The following UBTD1 variants were observed in gnomAD, a reference collection of about 807,000 sequenced individuals.
UBTD1 encodes ubiquitin domain-containing protein 1.
A neutral mutation model predicts 21.7 loss-of-function variants in UBTD1; 19 were observed. The observed-to-expected ratio is 0.87, with a 90% CI of 0.61 to 1.28. The LOEUF (loss-of-function observed/expected upper bound fraction) is 1.28. Ranked by LOEUF, UBTD1 falls within the 50% of genes most tolerant of loss-of-function variation. The probability of loss-of-function intolerance (pLI) is 0.00; values close to 1 mark genes in which losing one functional copy is unlikely to be tolerated. For missense variants in UBTD1, 282 were observed against 315.1 expected (o/e 0.89, Z 0.80); for synonymous variants, 116 against 135.1 (o/e 0.86, Z 0.98).
intron 1 of UBTD1, among the ~76,000 whole-genome samples, chr10:97,524,321 G>A (rs577498232): frequency 2.0e-5 from 3 of 152,058 alleles, no homozygotes; most frequent in African/African-American, 7.2e-5. Context: ...GACTAGTCTC[G>A]AACTCTTGGA....
At chr10:97,507,784 A>AG (rs2040405522) in intron 1 of UBTD1, among the ~76,000 whole-genome samples, 1 of 150,090 alleles carries the variant, frequency 6.7e-6, no homozygotes, top group African/African-American at 2.4e-5. Context: ...CAAAAAAAAA[A>AG]AAAAAAAAAA....
chr10:97,566,483 A>G (rs1180817072), intron 1 of UBTD1, among the ~76,000 whole-genome samples: 1 of 152,190 alleles, frequency 6.6e-6, no homozygotes, highest in Non-Finnish European at 1.5e-5. Flanking sequence ...GGTGAACTAC[A>G]GGATTTAGTC....
At chr10:97,553,160 T>C (rs2040648298) in intron 1 of UBTD1, among the ~76,000 whole-genome samples, 1 of 152,210 alleles carries the variant, frequency 6.6e-6, no homozygotes, top group Non-Finnish European at 1.5e-5. Flanking sequence ...AGATGGAGTT[T>C]CACTCTTGTT....
intron 1 of UBTD1, among the ~76,000 whole-genome samples, chr10:97,531,887 A>G (rs2040533845): frequency 6.6e-6 from 1 of 152,166 alleles, no homozygotes; most frequent in South Asian, 2.1e-4. Flanking sequence ...TTTGCTAAGA[A>G]TTTACCACCA....
At chr10:97,555,174 A>G (rs989147438) in intron 1 of UBTD1, among the ~76,000 whole-genome samples, 1 of 152,234 alleles carries the variant, frequency 6.6e-6, no homozygotes, top group African/African-American at 2.4e-5. Context: ...GAGTCACTGT[A>G]TAATGATTGT....
At position 97,533,593 on chromosome 10, in the gene UBTD1, C is replaced by G. The variant is rs193153691; in HGVS notation, c.70+34320C>G. ...TCGCAGCATCCCCCTTTGCCCCCCA[C>G]CTCCACCAAGTCTGACTCAGCCCTT... On this transcript the variant is annotated intron_variant, in intron 1 of 2. Coordinates refer to ENST00000370664, the MANE Select transcript of UBTD1 (RefSeq NM_024954.5). Among the ~76,000 whole-genome samples, 3 of 152,260 alleles carry G rather than the reference C, an allele frequency of 2.0e-5. No individual in the cohort carries two copies. In the East Asian group the frequency reaches 5.8e-4, roughly 29 times the overall value.
intron 1 of UBTD1, among the ~76,000 whole-genome samples, chr10:97,522,408 C>T (rs756132567): frequency 1.3e-5 from 2 of 152,230 alleles, no homozygotes; most frequent in Non-Finnish European, 1.5e-5. Flanking sequence ...AGTGTGCTTC[C>T]TTTGTGTCTC....
chr10:97,568,247 G>T (rs761413111), intron 2 of UBTD1, 106 bp downstream of exon 2: 3 of 1,184,030 alleles, frequency 2.5e-6, no homozygotes, highest in Non-Finnish European at 3.6e-6. Flanking sequence ...GGTTACTCAC[G>T]TATTCATTCA....
intron 1 of UBTD1, among the ~76,000 whole-genome samples, chr10:97,529,086 A>G (rs180771070): frequency 0.019 from 2,758 of 143,874 alleles, 96 homozygotes; most frequent in African/African-American, 0.069. Context: ...CCTCCCAGAC[A>G]GGGTCGCGGC....
chr10:97,557,778 C>T (rs547128074), intron 1 of UBTD1, among the ~76,000 whole-genome samples: 1 of 152,270 alleles, frequency 6.6e-6, no homozygotes, highest in Non-Finnish European at 1.5e-5. Context: ...GGTCATAACA[C>T]ACATCAGGTT....
At chr10:97,538,256 C>G (rs1189883754) in intron 1 of UBTD1, among the ~76,000 whole-genome samples, 2 of 151,998 alleles carry the variant, frequency 1.3e-5, no homozygotes, top group Non-Finnish European at 2.9e-5. Context: ...CTTTGGGAGG[C>G]TGAGGTGAGA....
At chr10:97,548,433 C>G (rs1408587091) in intron 1 of UBTD1, among the ~76,000 whole-genome samples, 1 of 152,206 alleles carries the variant, frequency 6.6e-6, no homozygotes, top group Non-Finnish European at 1.5e-5. Flanking sequence ...ATGTCTTACT[C>G]TGCTTGTGAA....
At chr10:97,561,838 C>T (rs2135687006) in intron 1 of UBTD1, among the ~76,000 whole-genome samples, 2 of 152,304 alleles carry the variant, frequency 1.3e-5, no homozygotes, top group East Asian at 1.9e-4. Context: ...TAGTCATCTT[C>T]CCCTCCCACC....
intron 1 of UBTD1, among the ~76,000 whole-genome samples, chr10:97,550,987 G>A (rs928698250): frequency 2.2e-4 from 33 of 152,162 alleles, no homozygotes; most frequent in African/African-American, 8.0e-4. Context: ...GAGACCATGT[G>A]TTGAACTGTT....
At chr10:97,522,094 T>C (rs1002142414) in intron 1 of UBTD1, among the ~76,000 whole-genome samples, 15 of 152,146 alleles carry the variant, frequency 9.9e-5, no homozygotes, top group African/African-American at 3.6e-4. Flanking sequence ...TGACAGTGAT[T>C]GGAATTGAGC....
intron 1 of UBTD1, among the ~76,000 whole-genome samples, chr10:97,508,134 A>G (rs1184562219): frequency 6.6e-6 from 1 of 152,304 alleles, no homozygotes; most frequent in Admixed American, 6.5e-5. Context: ...GGATTCTGTT[A>G]TCACCTTTTC....
At chr10:97,510,295 G>A (rs61861941) in intron 1 of UBTD1, among the ~76,000 whole-genome samples, 3 of 152,224 alleles carry the variant, frequency 2.0e-5, no homozygotes, top group Non-Finnish European at 4.4e-5. Flanking sequence ...AAAATCTGAG[G>A]TCTGTCAAAG....
At chr10:97,529,432 T>C (rs2040514977) in intron 1 of UBTD1, among the ~76,000 whole-genome samples, 1 of 152,164 alleles carries the variant, frequency 6.6e-6, no homozygotes, top group South Asian at 2.1e-4. Flanking sequence ...GTGGAGGTTG[T>C]AGCGAGCCGA....
chr10:97,532,566 C>T (rs577126513), intron 1 of UBTD1, among the ~76,000 whole-genome samples: 1 of 152,180 alleles, frequency 6.6e-6, no homozygotes, highest in African/African-American at 2.4e-5. Context: ...CCGAGGCGGG[C>T]GGATCACAAG....
Sources: gnomAD v4.1 joint callset for allele counts (sites outside exome capture counted in the v4.1 genomes callset) on GRCh38, gnomAD v4.1.1 for gene constraint, MANE v1.5 for transcripts, NCBI Gene and HGNC (gene_info 2026-07-23, HGNC 2026-07-21) for gene names.